The following RIPOR2 variants were observed in gnomAD, a reference collection of about 807,000 sequenced individuals.
RIPOR2 encodes the protein rho family-interacting cell polarization regulator 2.
Under a neutral mutation model 114.5 loss-of-function variants are expected in RIPOR2, and 39 were observed. The observed-to-expected ratio is 0.34, with a 90% CI of 0.26 to 0.44. The LOEUF is 0.44. Among genes scored for constraint, RIPOR2 ranks in the 20% least tolerant of loss-of-function variants. RIPOR2 has a pLI of 1.00. For missense variants in RIPOR2, 1,007 were observed against 1,255.1 expected, an observed-to-expected ratio of 0.80 and a Z score of 2.99; for synonymous variants, 445 against 484.4, an observed-to-expected ratio of 0.92 and a Z score of 1.07.
intron 1 of RIPOR2, among the ~76,000 whole-genome samples, chr6:24,888,724 C>G (rs1019955787): frequency 1.3e-5 from 2 of 152,156 alleles, no homozygotes; most frequent in Admixed American, 1.3e-4. Flanking sequence ...AAGAAATAAT[C>G]TTAAATGAAA....
intron 13 of RIPOR2, chr6:24,840,455 A>C (rs1761590719): frequency 7.6e-7 from 1 of 1,318,510 alleles, no homozygotes; most frequent in African/African-American, 1.5e-5. Flanking sequence ...AAGCAAAACA[A>C]TGCCAGTTGC....
At chr6:25,030,262 C>T (rs997682468) in intron 1 of RIPOR2, among the ~76,000 whole-genome samples, 2 of 152,066 alleles carry the variant, frequency 1.3e-5, no homozygotes, top group Non-Finnish European at 2.9e-5. Context: ...GAATCATAAT[C>T]ATTTACTGCT....
At chr6:24,929,953 G>A (rs925956701) in intron 1 of RIPOR2, among the ~76,000 whole-genome samples, 1 of 152,188 alleles carries the variant, frequency 6.6e-6, no homozygotes, top group Non-Finnish European at 1.5e-5. Flanking sequence ...GTGCACACCT[G>A]TAGTCCCAGC....
At chr6:24,973,402 A>G (rs1397714362) in intron 1 of RIPOR2, among the ~76,000 whole-genome samples, 1 of 152,078 alleles carries the variant, frequency 6.6e-6, no homozygotes, top group African/African-American at 2.4e-5. Context: ...GGAGATCAAG[A>G]CCATCCTGGC....
upstream of RIPOR2, among the ~76,000 whole-genome samples, chr6:24,938,654 C>T (rs143401031): frequency 6.6e-6 from 1 of 152,264 alleles, no homozygotes; most frequent in East Asian, 1.9e-4. Flanking sequence ...AATGAGAAGT[C>T]ACCACACTCC....
At position 24,987,390 on chromosome 6, in the gene RIPOR2, A is replaced by G. The variant is rs1251123483; in HGVS notation, c.76+54461T>C. On this transcript the variant is annotated intron_variant, in intron 1 of 13. Transcript: ENST00000510784. ...CAAGTCTAGAGTAGAAAGAGGTTTA[A>G]TGACATATGACTGACGGGTGGTGCC... Among the ~76,000 whole-genome samples the G allele has an allele frequency of 7.9e-5, 12 of 152,210 alleles. 1 individual carries two copies. Among genetic ancestry groups the G allele is most frequent in the Admixed American group, 7.9e-4 (12 of 15,278 alleles).
intron 1 of RIPOR2, among the ~76,000 whole-genome samples, chr6:24,968,397 G>A (rs9366588): frequency 0.17 from 25,443 of 152,112 alleles, 2,901 homozygotes; most frequent in East Asian, 0.54. Flanking sequence ...ATTCACTCCT[G>A]CTGGTGTCAC....
chr6:24,943,018 G>T (rs1185498367), intron 1 of RIPOR2, among the ~76,000 whole-genome samples: 2 of 152,124 alleles, frequency 1.3e-5, no homozygotes, highest in African/African-American at 4.8e-5. Context: ...TATAAATCAT[G>T]CTGCTATAAA....
At chr6:24,978,333 T>C (rs1774160704) in intron 1 of RIPOR2, among the ~76,000 whole-genome samples, 1 of 152,148 alleles carries the variant, frequency 6.6e-6, no homozygotes, top group African/African-American at 2.4e-5. Context: ...TTTAAAATTA[T>C]AGAATTCACT....
intron 1 of RIPOR2, among the ~76,000 whole-genome samples, chr6:25,020,878 A>T (rs1776287648): frequency 6.6e-6 from 1 of 151,828 alleles, no homozygotes; most frequent in African/African-American, 2.4e-5. Flanking sequence ...CTTTTTTTAG[A>T]CGGAGTCTCT....
chr6:24,939,244 A>T (rs928429011), upstream of RIPOR2, among the ~76,000 whole-genome samples: 2 of 152,340 alleles, frequency 1.3e-5, no homozygotes, highest in Middle Eastern at 3.4e-3. Context: ...ACTATCTCTT[A>T]TCTATGTAAA....
chr6:24,934,053 T>C lies in RIPOR2; in HGVS notation c.61+1785A>G, dbSNP rs1050057283. On this transcript the variant is annotated intron_variant, in intron 1 of 21. Coordinates refer to ENST00000643898, the MANE Select transcript of RIPOR2 (RefSeq NM_001286445.3). The stretch of plus-strand genomic sequence containing the variant: ...AGCCTATAGAGGGCGCTCTTAAGTA[T>C]CATAGCCAGATGTAAAAGAGCAAAA... Among the ~76,000 whole-genome samples the C allele has an allele frequency of 6.6e-5, 10 of 152,174 alleles. 1 individual carries two copies. The highest frequency in any genetic ancestry group is 2.2e-4 in the African/African-American group (9 of 41,438).
chr6:24,842,343 C>T (rs1761802602), intron 13 of RIPOR2, among the ~76,000 whole-genome samples: 1 of 151,978 alleles, frequency 6.6e-6, no homozygotes, highest in Admixed American at 6.6e-5. Context: ...ATCTCCCGCT[C>T]TAGAGTAGAA....
chr6:24,981,734 A>C (rs1484945011), intron 1 of RIPOR2, among the ~76,000 whole-genome samples: 1 of 152,236 alleles, frequency 6.6e-6, no homozygotes, highest in Non-Finnish European at 1.5e-5. Flanking sequence ...TGGAAGCCTG[A>C]GCAAGTCACA....
intron 8 of RIPOR2, among the ~76,000 whole-genome samples, chr6:24,853,672 C>T (rs74854549): frequency 0.039 from 5,911 of 152,250 alleles, 305 homozygotes; most frequent in African/African-American, 0.12. Context: ...GTAACAGTGT[C>T]CACTTCATAG....
At chr6:25,028,534 C>T (rs946955106) in intron 1 of RIPOR2, among the ~76,000 whole-genome samples, 1 of 152,214 alleles carries the variant, frequency 6.6e-6, no homozygotes, top group African/African-American at 2.4e-5. Context: ...ATACAATTAC[C>T]AACCTCATAG....
chr6:24,997,480 T>C (rs1230695486), intron 1 of RIPOR2, among the ~76,000 whole-genome samples: 1 of 152,130 alleles, frequency 6.6e-6, no homozygotes, highest in African/African-American at 2.4e-5. Flanking sequence ...GTATCTAAAT[T>C]GTATGGTTTA....
intron 1 of RIPOR2, among the ~76,000 whole-genome samples, chr6:24,967,613 C>T (rs1352097186): frequency 1.3e-5 from 2 of 152,158 alleles, no homozygotes; most frequent in African/African-American, 2.4e-5. Flanking sequence ...CTGTTTATAA[C>T]ATATAATTGG....
intron 1 of RIPOR2, among the ~76,000 whole-genome samples, chr6:25,009,352 C>T (rs2113672991): frequency 6.6e-6 from 1 of 152,306 alleles, no homozygotes; most frequent in Non-Finnish European, 1.5e-5. Context: ...TAACTCAATC[C>T]TAAATACTCC....
Sources: allele counts gnomAD v4.1 joint callset (sites outside exome capture counted in the v4.1 genomes callset), GRCh38; gene constraint gnomAD v4.1.1; transcripts MANE v1.5; gene names NCBI Gene and HGNC (gene_info 2026-07-23, HGNC 2026-07-21).